Variants in NXPE2 observed in about 807,000 individuals in gnomAD.
NXPE2 encodes the protein NXPE family member 2.
A neutral mutation model predicts 34.4 loss-of-function variants in NXPE2; 34 were observed. The observed-to-expected ratio is 0.99, with a 90% confidence interval of 0.75 to 1.31. The LOEUF (loss-of-function observed/expected upper bound fraction) is 1.31, where lower values mean the gene tolerates loss of function less well. Among genes scored for constraint, NXPE2 ranks in the 40% most tolerant of loss-of-function variants. NXPE2 has a pLI of 0.00. For missense variants in NXPE2, 649 were observed against 672.5 expected, an observed-to-expected ratio of 0.97 and a Z score of 0.39; for synonymous variants, 235 against 231.3, an observed-to-expected ratio of 1.02 and a Z score of -0.15.
At chr11:114,532,204 AC>A in the NXPE2 span, among the ~76,000 whole-genome samples, 1 of 152,218 alleles carries the variant, frequency 6.6e-6, no homozygotes, top group Non-Finnish European at 1.5e-5. Flanking sequence ...GAGAGGAGAA[AC>A]AAGACAATGA....
chr11:114,633,818 T>TATTCC, the NXPE2 span, among the ~76,000 whole-genome samples: 5 of 152,078 alleles, frequency 3.3e-5, no homozygotes, highest in African/African-American at 1.2e-4. Context: ...GGCTGCATAG[T>TATTCC]ATTCCATGGT....
downstream of NXPE2, among the ~76,000 whole-genome samples, chr11:114,709,757 C>T (rs371260101): frequency 1.4e-4 from 21 of 152,102 alleles, no homozygotes; most frequent in East Asian, 2.9e-3. Context: ...TACAAAATAG[C>T]TGGGCATGGG....
chr11:114,466,185 G>T, the NXPE2 span, among the ~76,000 whole-genome samples: 3 of 152,048 alleles, frequency 2.0e-5, no homozygotes, highest in Non-Finnish European at 2.9e-5. Context: ...CTTGAAAAAA[G>T]AAAATGTACT....
At chr11:114,738,390 C>T in the NXPE2 span, among the ~76,000 whole-genome samples, 3 of 152,120 alleles carry the variant, frequency 2.0e-5, no homozygotes, top group Non-Finnish European at 4.4e-5. Flanking sequence ...GGTAGATTGG[C>T]AAGTTTCTGG....
At chr11:114,797,278 A>G in the NXPE2 span, among the ~76,000 whole-genome samples, 3 of 152,108 alleles carry the variant, frequency 2.0e-5, no homozygotes, top group Admixed American at 6.5e-5. Context: ...ACTTCCTGGA[A>G]CTGCTCTTGA....
chr11:114,758,331 C>A, the NXPE2 span, among the ~76,000 whole-genome samples: 2 of 152,176 alleles, frequency 1.3e-5, no homozygotes, highest in African/African-American at 4.8e-5. Flanking sequence ...GCCTAGCTTC[C>A]TACCTAAAGA....
chr11:114,698,901 C>T, intron 3 of NXPE2, 123 bp downstream of exon 3: 1 of 941,740 alleles, frequency 1.1e-6, no homozygotes, highest in Non-Finnish European at 1.5e-6. Context: ...ATAATTAGGT[C>T]CTCAGAGTCA....
the NXPE2 span, among the ~76,000 whole-genome samples, chr11:114,557,668 T>C: frequency 9.3e-6 from 1 of 107,754 alleles, no homozygotes; most frequent in Non-Finnish European, 2.0e-5. Context: ...TATATATATA[T>C]ATATAAAATC....
At chr11:114,547,865 T>C in the NXPE2 span, among the ~76,000 whole-genome samples, 3,181 of 152,302 alleles carry the variant, frequency 0.021, 118 homozygotes, top group African/African-American at 0.073. Context: ...TATGGTTTTA[T>C]TGGTTATGCT....
At chr11:114,764,479 T>C in the NXPE2 span, among the ~76,000 whole-genome samples, 1 of 151,646 alleles carries the variant, frequency 6.6e-6, no homozygotes, top group Non-Finnish European at 1.5e-5. Flanking sequence ...TCTACATACA[T>C]TACATAAAGA....
chr11:114,537,516 G>T, the NXPE2 span, among the ~76,000 whole-genome samples: 1 of 152,180 alleles, frequency 6.6e-6, no homozygotes, highest in Admixed American at 6.5e-5. Flanking sequence ...TGACATGATT[G>T]TATATCTAGA....
At chr11:114,680,275 C>T (rs1390593733) in intron 2 of NXPE2, among the ~76,000 whole-genome samples, 1 of 152,122 alleles carries the variant, frequency 6.6e-6, no homozygotes, top group Admixed American at 6.6e-5. Flanking sequence ...TGGTCCTGAT[C>T]AAATACTTTC....
chr11:114,606,435 C>A, the NXPE2 span, among the ~76,000 whole-genome samples: 15 of 150,648 alleles, frequency 1.0e-4, no homozygotes, highest in Non-Finnish European at 1.9e-4. Flanking sequence ...TCGTGGGTAA[C>A]CAGTTTTACC....
the NXPE2 span, among the ~76,000 whole-genome samples, chr11:114,768,988 A>G: frequency 6.6e-6 from 1 of 152,226 alleles, no homozygotes; most frequent in Non-Finnish European, 1.5e-5. Context: ...GAGCTTCTGC[A>G]TAGCAAAAGA....
At chr11:114,562,655 T>C in the NXPE2 span, among the ~76,000 whole-genome samples, 1 of 152,212 alleles carries the variant, frequency 6.6e-6, no homozygotes, top group Non-Finnish European at 1.5e-5. Flanking sequence ...CAGAGTCAAG[T>C]TGACTTTACA....
At chr11:114,703,657 G>A (rs1055036588) in intron 3 of NXPE2, among the ~76,000 whole-genome samples, 1 of 10,646 alleles carries the variant, frequency 9.4e-5, no homozygotes, top group South Asian at 2.2e-3. Context: ...AATAAGCATA[G>A]ATAGATAGAT....
At chr11:114,538,280 A>G in the NXPE2 span, among the ~76,000 whole-genome samples, 1 of 152,250 alleles carries the variant, frequency 6.6e-6, no homozygotes, top group Non-Finnish European at 1.5e-5. Flanking sequence ...AAATTAATTC[A>G]AGATGGATTA....
At chr11:114,797,574 T>C in the NXPE2 span, among the ~76,000 whole-genome samples, 12 of 152,250 alleles carry the variant, frequency 7.9e-5, no homozygotes, top group South Asian at 8.3e-4. Context: ...ACCCTTTCCC[T>C]CCAAGCACAC....
the NXPE2 span, among the ~76,000 whole-genome samples, chr11:114,545,418 A>G: frequency 1.3e-5 from 2 of 152,098 alleles, no homozygotes; most frequent in Admixed American, 6.5e-5. Flanking sequence ...ATGCAACAAC[A>G]TAGGTGAATC....
Sources: allele counts gnomAD v4.1 joint callset (sites outside exome capture counted in the v4.1 genomes callset), GRCh38; gene constraint gnomAD v4.1.1; transcripts MANE v1.5; gene names NCBI Gene and HGNC (gene_info 2026-07-23, HGNC 2026-07-21).